LINGO2: variants seen among roughly 807,000 people sequenced by gnomAD.
LINGO2 encodes leucine rich repeat and Ig domain containing 2.
A neutral mutation model predicts 30.6 loss-of-function variants in LINGO2; 14 were observed. The observed-to-expected ratio is 0.46, with a 90% CI of 0.30 to 0.72. LINGO2 has a LOEUF of 0.72. LINGO2 is among the 30% of genes least tolerant of loss of function. The pLI is 0.07. For synonymous variants in LINGO2, 317 were observed against 288.5 expected (o/e 1.10, Z -1.00); for missense variants, 729 against 751.7 (o/e 0.97, Z 0.35).
intron 1 of LINGO2, among the ~76,000 whole-genome samples, chr9:28,478,010 T>C (rs955323946): frequency 6.6e-6 from 1 of 152,152 alleles, no homozygotes; most frequent in Non-Finnish European, 1.5e-5. Context: ...TGAGACTGGA[T>C]ACTTTTCATC....
the LINGO2 span, among the ~76,000 whole-genome samples, chr9:29,042,104 A>AT: frequency 6.6e-6 from 1 of 152,072 alleles, no homozygotes; most frequent in Non-Finnish European, 1.5e-5. Flanking sequence ...ATATTGCTAT[A>AT]TATCTATCAG....
At chr9:28,382,494 G>A (rs1320234415) in intron 2 of LINGO2, among the ~76,000 whole-genome samples, 5 of 152,132 alleles carry the variant, frequency 3.3e-5, no homozygotes, top group African/African-American at 9.7e-5. Context: ...CACAGGGAGA[G>A]TTAGCTGAAC....
At chr9:28,728,201 T>C in the LINGO2 span, among the ~76,000 whole-genome samples, 6 of 152,096 alleles carry the variant, frequency 3.9e-5, no homozygotes, top group Non-Finnish European at 7.4e-5. Context: ...GGAAAGAAAC[T>C]GCCTCTGGCA....
the LINGO2 span, among the ~76,000 whole-genome samples, chr9:29,103,810 A>T: frequency 6.6e-6 from 1 of 152,176 alleles, no homozygotes; most frequent in African/African-American, 2.4e-5. Flanking sequence ...AATGGCCATA[A>T]TGAAGACAAT....
At chr9:28,000,373 A>G (rs1442384913) in intron 5 of LINGO2, among the ~76,000 whole-genome samples, 3 of 148,698 alleles carry the variant, frequency 2.0e-5, no homozygotes, top group Non-Finnish European at 2.9e-5. Flanking sequence ...AGCCGAAAAG[A>G]AGGAGGAGAA....
chr9:28,337,771 G>T (rs1411042659), intron 3 of LINGO2, among the ~76,000 whole-genome samples: 1 of 152,152 alleles, frequency 6.6e-6, no homozygotes, highest in Non-Finnish European at 1.5e-5. Flanking sequence ...GAGCCTATGG[G>T]TGCACAGAGG....
chr9:28,342,056 G>A (rs1463395110), intron 3 of LINGO2, among the ~76,000 whole-genome samples: 1 of 152,062 alleles, frequency 6.6e-6, no homozygotes, highest in South Asian at 2.1e-4. Context: ...AAAACTTATG[G>A]GGAAAGTTCT....
intron 4 of LINGO2, among the ~76,000 whole-genome samples, chr9:28,099,941 GATC>G (rs989930871): frequency 4.2e-4 from 64 of 152,190 alleles, no homozygotes; most frequent in African/African-American, 1.5e-3. Flanking sequence ...TTACAAGTGT[GATC>G]ATATTACTTC....
intron 3 of LINGO2, among the ~76,000 whole-genome samples, chr9:28,335,477 C>T (rs1225149247): frequency 6.6e-6 from 1 of 152,134 alleles, no homozygotes; most frequent in African/African-American, 2.4e-5. Context: ...TTTCCATATA[C>T]ATACCATGCT....
At chr9:28,033,293 A>C (rs1233913634) in intron 4 of LINGO2, among the ~76,000 whole-genome samples, 3 of 152,168 alleles carry the variant, frequency 2.0e-5, no homozygotes, top group Non-Finnish European at 2.9e-5. Context: ...GAGTCAAAAG[A>C]AGCTCAGTGA....
intron 4 of LINGO2, among the ~76,000 whole-genome samples, chr9:28,184,355 G>A (rs1260154834): frequency 6.6e-6 from 1 of 152,140 alleles, no homozygotes; most frequent in Non-Finnish European, 1.5e-5. Context: ...GACAACAAGT[G>A]ATACTATGAG....
At chr9:28,245,981 T>G (rs1181469042) in intron 4 of LINGO2, among the ~76,000 whole-genome samples, 2 of 152,090 alleles carry the variant, frequency 1.3e-5, no homozygotes, top group Non-Finnish European at 2.9e-5. Context: ...AGAACCCATA[T>G]AGCCAAGACA....
chr9:28,365,426 A>G (rs931358874), intron 3 of LINGO2, among the ~76,000 whole-genome samples: 3 of 152,206 alleles, frequency 2.0e-5, no homozygotes, highest in African/African-American at 7.2e-5. Flanking sequence ...TGTGCTGCAG[A>G]GGCGACCCTA....
chr9:28,243,891 C>G (rs1262878451), intron 4 of LINGO2, among the ~76,000 whole-genome samples: 2 of 152,132 alleles, frequency 1.3e-5, no homozygotes, highest in Non-Finnish European at 2.9e-5. Flanking sequence ...ACTATAACAC[C>G]CCACTGGCAA....
At chr9:28,222,671 T>A (rs1272879958) in intron 4 of LINGO2, among the ~76,000 whole-genome samples, 2 of 152,210 alleles carry the variant, frequency 1.3e-5, no homozygotes, top group African/African-American at 2.4e-5. Flanking sequence ...TAATAACTAT[T>A]TGGATGATTC....
intron 2 of LINGO2, among the ~76,000 whole-genome samples, chr9:28,384,223 A>G (rs1228691754): frequency 2.0e-5 from 3 of 151,086 alleles, no homozygotes; most frequent in Non-Finnish European, 1.5e-5. Flanking sequence ...AGTTGACCCT[A>G]TGCTCCTCTA....
chr9:28,656,561 G>A (rs1828349585), intron 1 of LINGO2, among the ~76,000 whole-genome samples: 1 of 151,992 alleles, frequency 6.6e-6, no homozygotes, highest in South Asian at 2.1e-4. Flanking sequence ...GTAATTTACA[G>A]AATAACTGGC....
rs142115215 is a variant in LINGO2 at position 28,440,067 on chromosome 9, A to T, written c.-279+35873T>A. Among the ~76,000 whole-genome samples, 1,209 of 152,284 alleles carry T rather than the reference A, an allele frequency of 7.9e-3. 13 individuals are homozygous for T. Among genetic ancestry groups the T allele is most frequent in the Non-Finnish European group, 0.013 (857 of 68,016 alleles). On this transcript the variant is annotated intron_variant, in intron 2 of 5. Transcript: ENST00000379992. Reference sequence around the variant, plus strand: ...AACAGAGCCCATCCTGACTGATACAATCCTTAAGGGAATAACTTAATACCT... The same window carrying T: ...AACAGAGCCCATCCTGACTGATACATTCCTTAAGGGAATAACTTAATACCT...
chr9:28,093,846 A>T (rs1162489968), intron 4 of LINGO2, among the ~76,000 whole-genome samples: 1 of 148,806 alleles, frequency 6.7e-6, no homozygotes, highest in Non-Finnish European at 1.5e-5. Context: ...GTAGCTAAAC[A>T]TTTTTTTTTT....
Sources: gnomAD v4.1 joint callset for allele counts (sites outside exome capture counted in the v4.1 genomes callset) on GRCh38, gnomAD v4.1.1 for gene constraint, MANE v1.5 for transcripts, NCBI Gene and HGNC (gene_info 2026-07-23, HGNC 2026-07-21) for gene names.